NEB: variants seen among roughly 807,000 people sequenced by gnomAD.
NEB encodes nebulin.
A neutral mutation model predicts 952.2 loss-of-function variants in NEB; 512 were observed. The ratio of observed to expected loss-of-function variants is 0.54; its 90% confidence interval spans 0.50 to 0.58. The LOEUF is 0.58. NEB is among the 20% of genes least tolerant of loss of function. The pLI is 0.00. For missense variants in NEB, 8,428 were observed against 9,231.1 expected, an observed-to-expected ratio of 0.91 and a Z score of 3.56; for synonymous variants, 2,900 against 3,149.8, an observed-to-expected ratio of 0.92 and a Z score of 2.66.
At chr2:151,682,867 G>T in intron 28 of NEB, 98 bp from the exon 29 acceptor site, 2 of 1,037,742 alleles carry the variant, frequency 1.9e-6, no homozygotes, top group Non-Finnish European at 1.4e-6. Flanking sequence ...TGAGATTTCT[G>T]ACCAGCTTCC....
At position 151,567,386 on chromosome 2, in the gene NEB, C is replaced by T. The variant is rs1267739726; in HGVS notation, c.17938G>A (p.Ala5980Thr). 8 of 1,613,822 alleles carry T rather than the reference C, an allele frequency of 5.0e-6. No homozygotes were observed. The Admixed American group carries it at 1.3e-4, about 27-fold the overall frequency. Residue 5980 changes from alanine (A) to threonine (T), a missense_variant, in exon 114 of 182, where the codon GCA becomes ACA. Around this residue, in one of 11 missense-constraint regions of NEB, gnomAD observed 3,374 missense variants for 3,651.5 expected, o/e 0.92. Transcript: ENST00000397345. The part of the protein sequence containing the change: ...DDPKLVWFEH[A>T]GQIQNERLYK... ...AGTCTCTCATTCTGAATCTGGCCTG[C>T]ATGCTCAAACCAAACCAGCTTAGGA...
intron 111 of NEB, 62 bp downstream of exon 111, chr2:151,568,556 T>C (rs2096513745): frequency 1.4e-6 from 2 of 1,462,178 alleles, no homozygotes; most frequent in East Asian, 4.6e-5. Context: ...TGTAAGTAGA[T>C]GGAAAAGCTT....
intron 85 of NEB, among the ~76,000 whole-genome samples, chr2:151,604,238 AC>A (rs1388088931): frequency 1.5e-4 from 18 of 118,996 alleles, no homozygotes; most frequent in Middle Eastern, 3.9e-3. Context: ...ATGAAATCCA[AC>A]ATTTCCTTAT....
At chr2:151,551,922 C>T in intron 128 of NEB, 77 bp from the exon 129 acceptor site, 1 of 1,021,614 alleles carries the variant, frequency 9.8e-7, no homozygotes, top group Admixed American at 2.3e-5. Context: ...TAACGGTAGC[C>T]TGCTTCCCTT....
Position 151,583,645 on chromosome 2 carries a change from T to C in NEB, c.15785A>G (p.Tyr5262Cys). 2.4e-6 allele frequency: 1 copy of C among 410,452 alleles called. No individual in the cohort carries two copies. Among genetic ancestry groups the C allele is most frequent in the Non-Finnish European group, 4.1e-6 (1 of 245,186 alleles). The allele number at this position is 410,452 out of a possible 1,614,324, so 25.4% of individuals were successfully genotyped here. A position where few individuals can be genotyped will look rare whatever the true frequency, so the allele number is the denominator to read the frequency against. The change falls in exon 101 of 182, where the codon TAT becomes TGT. Residue 5262 changes from tyrosine to cysteine, a missense_variant. Tyr to Cys is a radical substitution (Grantham distance 194). Coordinates refer to ENST00000397345, the MANE Select transcript of NEB (RefSeq NM_001164508.2). ...TTTAGACTTCTCATAAGCTTTCTTA[T>C]ATTCTCTGTCACTCTGGATCTTGGC... ...HAAKIQSDRE[Y>C]KKAYEKSKGI... is the part of the protein sequence containing the mutation.
At chr2:151,489,081 A>G (rs2053818830) in intron 181 of NEB, among the ~76,000 whole-genome samples, 1 of 152,154 alleles carries the variant, frequency 6.6e-6, no homozygotes, top group South Asian at 2.1e-4. Context: ...TTTATATTGG[A>G]ATTGAATGCA....
At chr2:151,566,275 A>T (rs1173169486) in intron 114 of NEB, among the ~76,000 whole-genome samples, 1 of 152,166 alleles carries the variant, frequency 6.6e-6, no homozygotes, top group Non-Finnish European at 1.5e-5. Flanking sequence ...TGGGTAGGGG[A>T]GGCATCCCCT....
intron 27 of NEB, among the ~76,000 whole-genome samples, chr2:151,685,490 C>G (rs999288918): frequency 6.6e-6 from 1 of 151,916 alleles, no homozygotes; most frequent in Admixed American, 6.6e-5. Context: ...AGGAGATAAC[C>G]CCACTGAGAA....
At chr2:151,540,841 C>T in intron 136 of NEB, 40 bp from the exon 137 acceptor site, 1 of 1,503,958 alleles carries the variant, frequency 6.6e-7, no homozygotes, top group Non-Finnish European at 9.3e-7. Flanking sequence ...AGAGATAAAG[C>T]ATTTAGTATT....
chr2:151,618,568 A>G, intron 73 of NEB, 90 bp from the exon 74 acceptor site: 2 of 1,205,714 alleles, frequency 1.7e-6, no homozygotes, highest in Non-Finnish European at 2.4e-6. Flanking sequence ...ACACAAAAAT[A>G]CCGATGAATA....
At chr2:151,535,502 G>A (rs767199232) in intron 142 of NEB, among the ~76,000 whole-genome samples, 189 bp downstream of exon 142, 9 of 152,152 alleles carry the variant, frequency 5.9e-5, no homozygotes, top group Non-Finnish European at 1.0e-4. Context: ...CCCTTCACTT[G>A]TTCTTATTTG....
Position 151,568,704 on chromosome 2 carries a change from T to C in NEB, c.17548A>G (p.Thr5850Ala). The change falls in exon 111 of 182, where the codon ACA becomes GCA. Residue 5850 changes from threonine to alanine, a missense_variant. Physicochemically the swap from Thr to Ala is moderately conservative, Grantham distance 58. Transcript: ENST00000397345. ...GTAAAGTTGAGAGTTTCTATTTTTG[T>C]GCGATATTTTTTCTATGGGAAAGAA... ...ADIFSEKKYR[T>A]KIETLNFTPV... is the part of the protein sequence containing the mutation. 6.3e-7 allele frequency: 1 copy of C among 1,596,102 alleles called. No homozygotes were observed. The highest frequency in any genetic ancestry group is 8.5e-7 in the Non-Finnish European group (1 of 1,170,266).
chr2:151,655,191 T>A (rs1407607635), intron 51 of NEB, 79 bp downstream of exon 51: 16 of 815,162 alleles, frequency 2.0e-5, no homozygotes, highest in Non-Finnish European at 3.0e-5. Context: ...AACATTTATA[T>A]CAGTATTTAC....
intron 32 of NEB, among the ~76,000 whole-genome samples, chr2:151,678,858 G>A (rs1394922266): frequency 6.6e-6 from 1 of 152,066 alleles, no homozygotes; most frequent in East Asian, 1.9e-4. Flanking sequence ...TGAGAACTTC[G>A]GGTGGGACAG....
Position 151,697,471 on chromosome 2 carries a change from C to T in NEB, c.1258-14G>A. On this transcript the variant is annotated splice_polypyrimidine_tract_variant and intron_variant, in intron 14 of 181. Coordinates refer to ENST00000397345, the MANE Select transcript of NEB (RefSeq NM_001164508.2). Reference sequence around the variant, plus strand: ...TTTATATTTTTTCTGCAAGACAAAACATACTTCATTTATTAATTGGTGAAA... The same window carrying T: ...TTTATATTTTTTCTGCAAGACAAAATATACTTCATTTATTAATTGGTGAAA... 6.2e-7 allele frequency: 1 copy of T among 1,607,302 alleles called. No homozygotes were observed. Among genetic ancestry groups the T allele is most frequent in the Non-Finnish European group, 8.5e-7 (1 of 1,175,102 alleles).
rs2058482479 is a variant in NEB at position 151,494,003 on chromosome 2, A to G, written c.24580-136T>C. On this transcript the variant is annotated intron_variant, in intron 174 of 181. Coordinates refer to ENST00000397345, the MANE Select transcript of NEB (RefSeq NM_001164508.2). ...CACCTCTCAAGAAGAAAGCTTAAAA[A>G]TAGTTAATGGCTACAGTAAATGTAG... 3.4e-6 allele frequency: 3 copies of G among 874,050 alleles called. No homozygotes were observed. The African/African-American group carries it at 5.1e-5, about 15-fold the overall frequency. 54.1% of individuals were successfully genotyped at this position (874,050 alleles called of 1,614,324 possible). A position where few individuals can be genotyped will look rare whatever the true frequency, so the allele number is the denominator to read the frequency against.
At chr2:151,705,229 G>A (rs888825808) in intron 13 of NEB, among the ~76,000 whole-genome samples, 7 of 151,990 alleles carry the variant, frequency 4.6e-5, no homozygotes, top group Middle Eastern at 3.2e-3. Context: ...TTCTCTGCCA[G>A]GATTTACCTT....
intron 10 of NEB, among the ~76,000 whole-genome samples, chr2:151,715,097 A>G (rs1446901838): frequency 6.6e-6 from 1 of 152,236 alleles, no homozygotes; most frequent in African/African-American, 2.4e-5. Context: ...ATTACTCCAC[A>G]GGGCAAAGCC....
At chr2:151,523,241 T>C (rs1425246372) in intron 153 of NEB, among the ~76,000 whole-genome samples, 2 of 152,206 alleles carry the variant, frequency 1.3e-5, no homozygotes, top group Middle Eastern at 3.2e-3. Flanking sequence ...CATTAATTTA[T>C]AATAAAATAT....
Sources: gnomAD v4.1 joint callset for allele counts (sites outside exome capture counted in the v4.1 genomes callset) on GRCh38, gnomAD v4.1.1 for gene constraint, gnomAD v4.1.1 regional missense constraint, MANE v1.5 for transcripts, NCBI Gene and HGNC (gene_info 2026-07-23, HGNC 2026-07-21) for gene names.